Variants in TNC observed in about 807,000 individuals in gnomAD.
TNC encodes the protein tenascin.
In TNC, 109 loss-of-function variants were observed where a neutral mutation model predicts 202.4. The ratio of observed to expected loss-of-function variants is 0.54; its 90% confidence interval spans 0.46 to 0.63. The LOEUF (loss-of-function observed/expected upper bound fraction) is 0.63, where lower values mean the gene tolerates loss of function less well. Ranked by LOEUF, TNC falls within the 30% of genes least tolerant of loss-of-function variation. TNC has a pLI of 0.00. For missense variants in TNC, 2,756 were observed against 2,833.3 expected, an observed-to-expected ratio of 0.97 and a Z score of 0.62; for synonymous variants, 1,007 against 1,089.7, an observed-to-expected ratio of 0.92 and a Z score of 1.50.
rs1252061350 is a variant in TNC, at chr9:115,024,111, G to T, written c.6357C>A (p.Gly2119=). 1 of 1,614,088 alleles carries T rather than the reference G, an allele frequency of 6.2e-7. No homozygotes were observed. The highest frequency in any genetic ancestry group is 8.5e-7 in the Non-Finnish European group (1 of 1,179,932). ...TAGDSMAYHN[G]RSFSTFDKDT... ...CCTTGTCAAAGGTGGAGAAGGATCT[G>T]CCATTGTGGTAGGCCATGGAGTCAC... Residue 2119 remains glycine, a synonymous_variant, in exon 27 of 28, where the codon GGC becomes GGA. Coordinates refer to ENST00000350763, the MANE Select transcript of TNC (RefSeq NM_002160.4).
intron 25 of TNC, 133 bp downstream of exon 25, chr9:115,029,227 C>T (rs1251979738): frequency 2.8e-6 from 2 of 716,972 alleles, no homozygotes; most frequent in Admixed American, 5.2e-5. Context: ...AAGAATTTGA[C>T]ATTCTGTGTC....
At chr9:115,079,779 T>G (rs1441143537) in intron 6 of TNC, among the ~76,000 whole-genome samples, 1 of 152,186 alleles carries the variant, frequency 6.6e-6, no homozygotes, top group Non-Finnish European at 1.5e-5. Flanking sequence ...CAGAACTGAT[T>G]GAATCCAAAG....
chr9:115,042,157 T>A, intron 18 of TNC, 62 bp downstream of exon 18: 2 of 1,559,652 alleles, frequency 1.3e-6, no homozygotes, highest in Non-Finnish European at 1.7e-6. Context: ...TCAGGGTCTT[T>A]TTCATGAATC....
At chr9:115,088,689 G>T (rs755862730) in intron 2 of TNC, among the ~76,000 whole-genome samples, 4 of 151,668 alleles carry the variant, frequency 2.6e-5, no homozygotes, top group African/African-American at 7.3e-5. Flanking sequence ...ACAGCAGGAA[G>T]AAAGAATTTT....
intron 10 of TNC, among the ~76,000 whole-genome samples, chr9:115,066,916 T>C (rs1832997179): frequency 6.6e-6 from 1 of 152,216 alleles, no homozygotes; most frequent in South Asian, 2.1e-4. Context: ...AAGTCTAAAA[T>C]ATTTACCATC....
At chr9:115,057,489 T>C in intron 14 of TNC, 64 bp from the exon 15 acceptor site, 2 of 1,496,626 alleles carry the variant, frequency 1.3e-6, no homozygotes, top group South Asian at 1.3e-5. Context: ...TGGCTGTGTT[T>C]TAAGATTGAG....
At chr9:115,115,778 T>G (rs909623779) in intron 1 of TNC, among the ~76,000 whole-genome samples, 3 of 152,168 alleles carry the variant, frequency 2.0e-5, no homozygotes, top group African/African-American at 7.2e-5. Flanking sequence ...TTTTTGTCAT[T>G]GAAGATTCTG....
chr9:115,087,969 C>CT (rs1428585120), intron 2 of TNC, among the ~76,000 whole-genome samples: 14 of 152,258 alleles, frequency 9.2e-5, no homozygotes, highest in South Asian at 8.3e-4. Context: ...TCCCAAAGTG[C>CT]TGGGATTACA....
In TNC at chr9:115,084,367, G is replaced by T. The variant is rs1209292182; in HGVS notation, c.1973C>A (p.Pro658His). 4 of 1,614,144 alleles carry T rather than the reference G, an allele frequency of 2.5e-6. No individual in the cohort carries two copies. The South Asian group carries it at 4.4e-5, about 18-fold the overall frequency. ...RVTEYLVVYT[P>H]THEGGLEMQF... ...CATTTCCAGACCACCCTCGTGGGTGGGCGTGTACACGACAAGGTACTCTGT... is the reference window on the plus strand; with the variant it reads ...CATTTCCAGACCACCCTCGTGGGTGTGCGTGTACACGACAAGGTACTCTGT... Residue 658 changes from proline to histidine, a missense_variant, in exon 4 of 28, where the codon CCC becomes CAC. Physicochemically the swap from Pro to His is moderately conservative, Grantham distance 77. Transcript: ENST00000350763.
rs147209573 is a variant in TNC at position 115,085,895 on chromosome 9, G to T, written c.1836C>A (p.Asn612Lys). Residue 612 changes from asparagine to lysine, a missense_variant, in exon 3 of 28, where the codon AAC (asparagine) becomes AAA (lysine). Asn to Lys is a moderately conservative substitution (Grantham distance 94). This residue lies in a region of TNC where 2,559 missense variants were observed against 2,546.0 expected (regional missense o/e 1.01). Coordinates refer to ENST00000350763, the MANE Select transcript of TNC (RefSeq NM_002160.4). ...GQCVSGRCIC[N>K]EGYSGEDCSE... ...AGCAGTCTTCTCCGCTGTAGCCCTC[G>T]TTGCAGATGCAGCGGCCCGAGACGC... 6.2e-7 allele frequency: 1 copy of T among 1,612,390 alleles called. No homozygotes were observed. The highest frequency in any genetic ancestry group is 8.5e-7 in the Non-Finnish European group (1 of 1,178,654).
Position 115,090,918 on chromosome 9 carries a change from T to A in TNC, c.101A>T (p.Gln34Leu). The A allele has an allele frequency of 1.2e-6, 2 of 1,614,182 alleles. No individual in the cohort carries two copies. Among genetic ancestry groups the A allele is most frequent in the Non-Finnish European group, 1.7e-6 (2 of 1,180,028 alleles). ...VLKKVIRHKR[Q>L]SGVNATLPEE... ...TGGCAGGGTGGCGTTCACCCCACTC[T>A]GTCGCTTGTGCCGGATGACTTTCTT... Residue 34 changes from glutamine (Q) to leucine (L), a missense_variant, in exon 2 of 28, where the codon CAG becomes CTG. Around this residue, in one of 2 missense-constraint regions of TNC, gnomAD observed 2,559 missense variants for 2,546.0 expected, o/e 1.01. Coordinates refer to ENST00000350763, the MANE Select transcript of TNC (RefSeq NM_002160.4).
At chr9:115,102,208 T>C (rs993512243) in intron 1 of TNC, among the ~76,000 whole-genome samples, 4 of 152,124 alleles carry the variant, frequency 2.6e-5, no homozygotes, top group African/African-American at 7.2e-5. Context: ...CTCTGAACCA[T>C]GATTTTATAC....
intron 1 of TNC, among the ~76,000 whole-genome samples, chr9:115,114,200 C>CATGTTGAAGG (rs1837286949): frequency 6.6e-6 from 1 of 152,156 alleles, no homozygotes; most frequent in Non-Finnish European, 1.5e-5. Flanking sequence ...GGTGTTCAAA[C>CATGTTGAAGG]TGGCCCGGGA....
chr9:115,073,603 C>G lies in TNC; in HGVS notation c.3214G>C (p.Glu1072Gln). The G allele has an allele frequency of 6.2e-7, 1 of 1,612,344 alleles. No individual in the cohort carries two copies. Among genetic ancestry groups the G allele is most frequent in the Non-Finnish European group, 8.5e-7 (1 of 1,178,606 alleles). Residue 1072 changes from glutamate to glutamine, a missense_variant and splice_region_variant, in exon 10 of 28, where the codon GAA becomes CAA. This residue lies in a region of TNC where 2,559 missense variants were observed against 2,546.0 expected (regional missense o/e 1.01). Transcript: ENST00000350763. ...SKPARVKAST[E>Q]QAPELENLTV... is the part of the protein sequence containing the mutation. ...TGGAGGAAGCTCAGGGCAGACTCAC[C>G]AGTGGATGCCTTCACACGTGCGGGC...
intron 25 of TNC, among the ~76,000 whole-genome samples, chr9:115,027,131 A>AG (rs1829565249): frequency 2.0e-5 from 3 of 151,566 alleles, no homozygotes; most frequent in Admixed American, 6.6e-5. Flanking sequence ...AAAAAAAAAA[A>AG]GGGCCATATC....
chr9:115,099,738 G>C (rs1836083353), intron 1 of TNC, among the ~76,000 whole-genome samples: 1 of 152,166 alleles, frequency 6.6e-6, no homozygotes, highest in Non-Finnish European at 1.5e-5. Flanking sequence ...GTGTGTATTG[G>C]TATTATATGA....
chr9:115,094,793 CCCCTA>C (rs1835488736), intron 1 of TNC, among the ~76,000 whole-genome samples: 1 of 149,208 alleles, frequency 6.7e-6, no homozygotes, highest in Non-Finnish European at 1.5e-5. Flanking sequence ...CCTCTTGTAG[CCCCTA>C]AGGACAGAAC....
At chr9:115,049,301 C>A (rs1831461330) in intron 15 of TNC, among the ~76,000 whole-genome samples, 1 of 152,056 alleles carries the variant, frequency 6.6e-6, no homozygotes, top group South Asian at 2.1e-4. Flanking sequence ...TTGGGATATC[C>A]AAAAGGAGTG....
chr9:115,068,196 A>G (rs1056915604), intron 10 of TNC, among the ~76,000 whole-genome samples: 1 of 152,204 alleles, frequency 6.6e-6, no homozygotes, highest in Non-Finnish European at 1.5e-5. Context: ...TAGATTCCAC[A>G]CTGAATTTCT....
Sources: gnomAD v4.1 joint callset for allele counts (sites outside exome capture counted in the v4.1 genomes callset) on GRCh38, gnomAD v4.1.1 for gene constraint, gnomAD v4.1.1 regional missense constraint, MANE v1.5 for transcripts, NCBI Gene and HGNC (gene_info 2026-07-23, HGNC 2026-07-21) for gene names.